CDH23: variants seen among roughly 807,000 people sequenced by gnomAD.
CDH23 encodes cadherin related 23, also known as cadherin-23.
In CDH23, 189 loss-of-function variants were observed where a neutral mutation model predicts 317.1. The observed-to-expected ratio is 0.60, with a 90% confidence interval of 0.53 to 0.67. The LOEUF (loss-of-function observed/expected upper bound fraction) is 0.67, where lower values mean the gene tolerates loss of function less well. CDH23 is among the 30% of genes least tolerant of loss of function. CDH23 has a pLI of 0.00. For missense variants in CDH23, 4,401 were observed against 4,592.4 expected, an observed-to-expected ratio of 0.96 and a Z score of 1.20; for synonymous variants, 1,839 against 1,876.8, an observed-to-expected ratio of 0.98 and a Z score of 0.52.
intron 6 of CDH23, among the ~76,000 whole-genome samples, chr10:71,539,181 A>G (rs1004570809): frequency 2.6e-5 from 4 of 152,186 alleles, no homozygotes; most frequent in African/African-American, 9.6e-5. Context: ...ACCTGGACCC[A>G]TCCACGCCGT....
chr10:71,486,599 A>G (rs1015517301), intron 3 of CDH23, among the ~76,000 whole-genome samples: 1 of 152,200 alleles, frequency 6.6e-6, no homozygotes, highest in African/African-American at 2.4e-5. Context: ...CCTCCAGCAG[A>G]GTAGGACAGG....
rs147062793 is a variant in CDH23, at chr10:71,442,446, C to A, written c.67+2548C>A. 9.2e-3 allele frequency among the ~76,000 whole-genome samples: 1,400 copies of A among 152,226 alleles called. 25 individuals carry two copies. The highest frequency in any genetic ancestry group is 0.032 in the African/African-American group (1,323 of 41,536). On this transcript the variant is annotated intron_variant, in intron 2 of 69. Transcript: ENST00000224721. ...CCTTCACTTGTGCCCCAGATCAGAC[C>A]ACACTGCCCTCGCCACTTTGTTTCC...
At chr10:71,723,986 C>G (rs887360491) in intron 28 of CDH23, 59 bp from the exon 29 acceptor site, 2 of 1,538,452 alleles carry the variant, frequency 1.3e-6, no homozygotes, top group East Asian at 4.9e-5. Context: ...ACTCTAAAAA[C>G]CTCTTCTCTC....
At chr10:71,576,562 G>T (rs1270021420) in intron 8 of CDH23, among the ~76,000 whole-genome samples, 1 of 152,174 alleles carries the variant, frequency 6.6e-6, no homozygotes, top group Non-Finnish European at 1.5e-5. Flanking sequence ...GAGGGAAGTG[G>T]CCGAGGACAC....
intron 11 of CDH23, among the ~76,000 whole-genome samples, chr10:71,622,407 GTTGGAA>G (rs1189921832): frequency 6.6e-6 from 1 of 152,078 alleles, no homozygotes; most frequent in Non-Finnish European, 1.5e-5. Flanking sequence ...TGTTGCGCGG[GTTGGAA>G]TTTTCTGTTC....
intron 6 of CDH23, among the ~76,000 whole-genome samples, chr10:71,517,569 T>G (rs560535751): frequency 2.0e-5 from 3 of 151,898 alleles, no homozygotes; most frequent in African/African-American, 7.3e-5. Flanking sequence ...GGGGGGGAGA[T>G]GCGAGGGGGC....
intron 3 of CDH23, among the ~76,000 whole-genome samples, chr10:71,456,096 G>A (rs1027973292): frequency 1.3e-5 from 2 of 151,784 alleles, no homozygotes; most frequent in African/African-American, 2.4e-5. Context: ...CAGGTGCCTC[G>A]CAGCTGCTGG....
At chr10:71,472,027 AGAT>A (rs1284816701) in intron 3 of CDH23, among the ~76,000 whole-genome samples, 2 of 152,242 alleles carry the variant, frequency 1.3e-5, no homozygotes, top group African/African-American at 4.8e-5. Context: ...GGTGCTCGAC[AGAT>A]GATAGGTGAT....
chr10:71,764,646 C>T (rs1285915515), intron 38 of CDH23, among the ~76,000 whole-genome samples: 1 of 152,194 alleles, frequency 6.6e-6, no homozygotes, highest in Non-Finnish European at 1.5e-5. Context: ...ACCGGCACTC[C>T]AGTTCGCCAG....
At chr10:71,776,936 G>A (rs1840828735) in intron 38 of CDH23, among the ~76,000 whole-genome samples, 1 of 152,242 alleles carries the variant, frequency 6.6e-6, no homozygotes, top group Non-Finnish European at 1.5e-5. Flanking sequence ...CAGGAAGCAG[G>A]AGCAAGAACC....
intron 14 of CDH23, among the ~76,000 whole-genome samples, chr10:71,663,437 T>C (rs1349903856): frequency 6.6e-6 from 1 of 152,206 alleles, no homozygotes; most frequent in Non-Finnish European, 1.5e-5. Flanking sequence ...CAGCTGCAGC[T>C]CTGCTCTGCC....
chr10:71,576,063 C>A (rs1457319100), intron 8 of CDH23, among the ~76,000 whole-genome samples: 2 of 152,230 alleles, frequency 1.3e-5, no homozygotes, highest in Admixed American at 1.3e-4. Context: ...CTCCACAGAG[C>A]CCTGCCCGCC....
chr10:71,640,546 G>C (rs548156937), intron 11 of CDH23, among the ~76,000 whole-genome samples: 2 of 152,276 alleles, frequency 1.3e-5, no homozygotes, highest in South Asian at 4.1e-4. Context: ...TCAGGAAATC[G>C]AGACCAGCCT....
intron 9 of CDH23, among the ~76,000 whole-genome samples, chr10:71,610,351 A>G (rs552331636): frequency 6.6e-6 from 1 of 152,296 alleles, no homozygotes; most frequent in Admixed American, 6.5e-5. Flanking sequence ...ACTCCACTCT[A>G]TGAAGGATGA....
At chr10:71,813,375 T>G (rs1285960874) in intron 69 of CDH23, 27 bp downstream of exon 69, 1 of 1,526,318 alleles carries the variant, frequency 6.6e-7, no homozygotes, top group Non-Finnish European at 8.9e-7. Context: ...CTGGGAGCTG[T>G]GTGCTGTGCC....
chr10:71,590,569 T>C (rs1442392169), intron 9 of CDH23, among the ~76,000 whole-genome samples: 1 of 152,186 alleles, frequency 6.6e-6, no homozygotes, highest in Non-Finnish European at 1.5e-5. Context: ...AAGGATTATT[T>C]TAAAGGGGCT....
intron 11 of CDH23, among the ~76,000 whole-genome samples, chr10:71,623,563 G>A (rs548298546): frequency 6.6e-6 from 1 of 152,310 alleles, no homozygotes; most frequent in Non-Finnish European, 1.5e-5. Flanking sequence ...GCCCTCTGAT[G>A]GCTGTGTTGA....
Position 71,720,941 on chromosome 10 carries a change from C to T in CDH23, c.3370-3104C>T, listed in dbSNP as rs577531930. On this transcript the variant is annotated intron_variant, in intron 28 of 69. Coordinates refer to ENST00000224721, the MANE Select transcript of CDH23 (RefSeq NM_022124.6). The stretch of plus-strand genomic sequence containing the variant: ...AGGCATCCAGGGTAGGCAAAGCATC[C>T]GGCCCAAAGGTGTTTTCAATGCCCA... Among the ~76,000 whole-genome samples, 55 of 152,296 alleles carry T rather than the reference C, an allele frequency of 3.6e-4. 2 individuals carry two copies. In the South Asian group the frequency reaches 5.8e-3, roughly 16 times the overall value.
intron 34 of CDH23, among the ~76,000 whole-genome samples, chr10:71,736,158 C>T (rs375860915): frequency 6.6e-5 from 10 of 152,358 alleles, no homozygotes; most frequent in African/African-American, 2.2e-4. Context: ...ACACTTCTGC[C>T]TGTGCCCCTG....
Sources: gnomAD v4.1 joint callset for allele counts (sites outside exome capture counted in the v4.1 genomes callset) on GRCh38, gnomAD v4.1.1 for gene constraint, MANE v1.5 for transcripts, NCBI Gene and HGNC (gene_info 2026-07-23, HGNC 2026-07-21) for gene names.